PRSS37: variants seen among roughly 807,000 people sequenced by gnomAD.
The protein encoded by PRSS37 is serine protease 37.
In PRSS37, 25 loss-of-function variants were observed where a neutral mutation model predicts 28.0. The observed-to-expected ratio is 0.89, with a 90% CI of 0.65 to 1.25. PRSS37 has a LOEUF of 1.25. Among genes scored for constraint, PRSS37 ranks in the 50% most tolerant of loss-of-function variants. The pLI, the probability that PRSS37 is intolerant of heterozygous loss-of-function variation, is 0.00. For missense variants in PRSS37, 282 were observed against 292.2 expected (o/e 0.97, Z 0.25); for synonymous variants, 109 against 107.8 (o/e 1.01, Z -0.07).
Position 141,839,435 on chromosome 7 carries a change from C to T in PRSS37, c.79G>A (p.Ala27Thr), listed in dbSNP as rs1801086120. ...GACTTGAGGTACACCAAATAGGGAG[C>T]AGGGTCTTCTTTCTGAACAGATGAG... ...ADSSVQKEDPAPYLVYLKSHF... is the reference protein window; with the variant it reads ...ADSSVQKEDPTPYLVYLKSHF... The change falls in exon 2 of 5, where the codon GCT becomes ACT. Residue 27 changes from alanine to threonine, a missense_variant. Coordinates refer to ENST00000350549, the MANE Select transcript of PRSS37 (RefSeq NM_001008270.3). The T allele has an allele frequency of 6.2e-7, 1 of 1,613,714 alleles. No individual in the cohort carries two copies. Among genetic ancestry groups the T allele is most frequent in the Non-Finnish European group, 8.5e-7 (1 of 1,179,714 alleles).
chr7:141,838,473 A>C, intron 2 of PRSS37: 1 of 1,149,536 alleles, frequency 8.7e-7, no homozygotes, highest in Non-Finnish European at 1.1e-6. Context: ...TAAATAACCT[A>C]GTTCTGGGTG....
rs1240259192 is a variant in PRSS37, at chr7:141,836,447, G to A, written c.656C>T (p.Thr219Ile). Reference sequence around the variant, plus strand: ...CCAGGATACATATTTGTAAACATTGGTGTAGATGCCGACGTCCCCTCCCAT... The same window carrying A: ...CCAGGATACATATTTGTAAACATTGATGTAGATGCCGACGTCCCCTCCCAT... The part of the protein sequence containing the change: ...HFMGGDVGIY[T>I]NVYKYVSWIE... Residue 219 changes from threonine to isoleucine, a missense_variant, in exon 5 of 5, where the codon ACC (threonine) becomes ATC (isoleucine). Transcript: ENST00000350549. The A allele has an allele frequency of 1.9e-6, 3 of 1,614,028 alleles. No individual in the cohort carries two copies. The highest frequency in any genetic ancestry group is 1.3e-5 in the African/African-American group (1 of 74,900).
At chr7:141,836,986 C>A in intron 4 of PRSS37, 126 bp downstream of exon 4, 1 of 969,890 alleles carries the variant, frequency 1.0e-6, no homozygotes, top group Non-Finnish European at 1.6e-6. Flanking sequence ...ACAATGCTGG[C>A]TTTGCAGCAG....
chr7:141,837,245 C>T lies in PRSS37; in HGVS notation c.434G>A (p.Arg145Gln), dbSNP rs758971042. Residue 145 changes from arginine to glutamine, a missense_variant, in exon 4 of 5, where the codon CGA becomes CAA. Coordinates refer to ENST00000350549, the MANE Select transcript of PRSS37 (RefSeq NM_001008270.3). ...GLDWSQENSG[R>Q]HPDLRQNLEA... ...CAGGTTCTGCCGCAAGTCAGGGTGT[C>T]GGCCTGAGGGAGACGGGGATAAAAT... is the stretch of plus-strand genomic sequence containing the variant. The T allele has an allele frequency of 1.9e-5, 30 of 1,602,152 alleles. No individual in the cohort carries two copies. The highest frequency in any genetic ancestry group is 1.2e-4 in the South Asian group (11 of 88,638).
chr7:141,838,856 C>G, intron 2 of PRSS37: 1 of 395,074 alleles, frequency 2.5e-6, no homozygotes, highest in South Asian at 1.9e-5. Context: ...TAATACAAAC[C>G]CTGGTGGTAT....
rs1287234730 is a variant in PRSS37, at chr7:141,839,320, G to T, written c.176+18C>A. On this transcript the variant is annotated intron_variant, in intron 2 of 4. Coordinates refer to ENST00000350549, the MANE Select transcript of PRSS37 (RefSeq NM_001008270.3). Reference sequence around the variant, plus strand: ...GAACAGTAGCTGTTTTGGGGATGGGGATGCCCAAATACTCAACGGTAAATA... The same window carrying T: ...GAACAGTAGCTGTTTTGGGGATGGGTATGCCCAAATACTCAACGGTAAATA... The T allele has an allele frequency of 6.2e-7, 1 of 1,612,614 alleles. No homozygotes were observed. Among genetic ancestry groups the T allele is most frequent in the Admixed American group, 1.7e-5 (1 of 59,770 alleles).
In PRSS37 at chr7:141,841,105, C is replaced by T. The variant is rs150494902; in HGVS notation, c.-56G>A. The T allele has an allele frequency of 5.3e-4, 852 of 1,610,574 alleles. 1 individual carries two copies. In the African/African-American group the frequency reaches 9.9e-3, roughly 19 times the overall value. On this transcript the variant is annotated 5_prime_UTR_variant, in exon 1 of 5. Coordinates refer to ENST00000350549, the MANE Select transcript of PRSS37 (RefSeq NM_001008270.3). Reference sequence around the variant, plus strand: ...AGAAGAAAATCAGCAGAGTGTGGAGCGGTTGGCTTAGTTGTCTTCTCAGGA... The same window carrying T: ...AGAAGAAAATCAGCAGAGTGTGGAGTGGTTGGCTTAGTTGTCTTCTCAGGA...
chr7:141,841,399 C>G lies in PRSS37; in HGVS notation c.-350G>C. 2 of 282,542 alleles carry G rather than the reference C, an allele frequency of 7.1e-6. No homozygotes were observed. The highest frequency in any genetic ancestry group is 3.9e-5 in the South Asian group (1 of 25,698). 17.5% of individuals were successfully genotyped at this position (282,542 alleles called of 1,614,324 possible). A position where few individuals can be genotyped will look rare whatever the true frequency, so the allele number is the denominator to read the frequency against. ...GGAAATGGCAGCTCTAGGCTCAGGA[C>G]TTATCTTCCCCACAGAGTTTCTGAG... On this transcript the variant is annotated 5_prime_UTR_variant, in exon 1 of 5. Coordinates refer to ENST00000350549, the MANE Select transcript of PRSS37 (RefSeq NM_001008270.3).
chr7:141,838,797 A>T, intron 2 of PRSS37: 1 of 338,310 alleles, frequency 3.0e-6, no homozygotes, highest in Non-Finnish European at 5.8e-6. Flanking sequence ...CTTTGAAATT[A>T]TCTTCTCCTC....
At position 141,841,033 on chromosome 7, in the gene PRSS37, T is replaced by G. The variant is rs1255123696; in HGVS notation, c.17A>C (p.Tyr6Ser). ...GTACATACCAGCGAGGACACCCAAA[T>G]AGAAGACATATTTCATGGTGATCCA... Reference protein sequence around the residue: MKYVFYLGVLAGTFFF... With the variant: MKYVFSLGVLAGTFFF... Residue 6 changes from tyrosine to serine, a missense_variant, in exon 1 of 5, where the codon TAT becomes TCT. Tyr to Ser is a moderately radical substitution (Grantham distance 144). Transcript: ENST00000350549. 6.2e-7 allele frequency: 1 copy of G among 1,613,766 alleles called. No individual in the cohort carries two copies. The highest frequency in any genetic ancestry group is 1.1e-5 in the South Asian group (1 of 91,082).
chr7:141,837,332 G>A (rs1294192549), intron 3 of PRSS37, 84 bp from the exon 4 acceptor site: 4 of 1,449,190 alleles, frequency 2.8e-6, no homozygotes, highest in Middle Eastern at 3.6e-4. Context: ...ATTTCAACTG[G>A]TATCTTTTTG....
Position 141,836,353 on chromosome 7 carries a change from T to A in PRSS37, c.*42A>T, listed in dbSNP as rs1399802262. 1 of 1,607,542 alleles carries A rather than the reference T, an allele frequency of 6.2e-7. No individual in the cohort carries two copies. The highest frequency in any genetic ancestry group is 8.5e-7 in the Non-Finnish European group (1 of 1,174,900). ...GAGGGAAAATTATCTGCTTGTATAG[T>A]CCATGGCAGAGCCAGTGGAATGCAG... On this transcript the variant is annotated 3_prime_UTR_variant, in exon 5 of 5. Transcript: ENST00000350549.
At chr7:141,840,184 C>T (rs1414411236) in intron 1 of PRSS37, among the ~76,000 whole-genome samples, 2 of 152,122 alleles carry the variant, frequency 1.3e-5, no homozygotes, top group Non-Finnish European at 2.9e-5. Context: ...ATGAATGATG[C>T]TTATTTTTCT....
chr7:141,836,612 C>A, intron 4 of PRSS37, 77 bp from the exon 5 acceptor site: 2 of 1,535,186 alleles, frequency 1.3e-6, no homozygotes, highest in African/African-American at 2.7e-5. Flanking sequence ...CCTAGTGTCC[C>A]GCTTGGGTGA....
Position 141,837,111 on chromosome 7 carries a change from C to G in PRSS37, c.567+1G>C, listed in dbSNP as rs992057567. 1.9e-6 allele frequency: 3 copies of G among 1,612,180 alleles called. No homozygotes were observed. The African/African-American group carries it at 4.0e-5, about 22-fold the overall frequency. ...AAAGCTGAATATAGAGATAAGATTA[C>G]CCCAAAAATTCGGCTGAATACTTTC... On this transcript the variant is annotated splice_donor_variant, in intron 4 of 4. Transcript: ENST00000350549. LOFTEE classifies it high-confidence loss of function.
chr7:141,837,985 A>G lies in PRSS37; in HGVS notation c.305T>C (p.Leu102Pro). ...CATGGCAGGCTTAGCCAGCTTGATG[A>G]GCATGAGGTCATCCTGTGGGGCGCT... ...SHSAPQDDLMLIKLAKPAMLN... is the reference protein window; with the variant it reads ...SHSAPQDDLMPIKLAKPAMLN... Residue 102 changes from leucine (L) to proline (P), a missense_variant, in exon 3 of 5, where the codon CTC (leucine) becomes CCC (proline). Transcript: ENST00000350549. The G allele has an allele frequency of 1.2e-6, 2 of 1,614,104 alleles. No individual in the cohort carries two copies. The highest frequency in any genetic ancestry group is 1.7e-6 in the Non-Finnish European group (2 of 1,180,024).
In PRSS37 at chr7:141,836,459, A is replaced by T; in HGVS notation, c.644T>A (p.Val215Asp). 6.2e-7 allele frequency: 1 copy of T among 1,609,412 alleles called. No individual in the cohort carries two copies. The highest frequency in any genetic ancestry group is 8.5e-7 in the Non-Finnish European group (1 of 1,178,006). Reference sequence around the variant, plus strand: ...TTTGTAAACATTGGTGTAGATGCCGACGTCCCCTCCCATGAAGTGCCCCAC... The same window carrying T: ...TTTGTAAACATTGGTGTAGATGCCGTCGTCCCCTCCCATGAAGTGCCCCAC... Reference protein sequence around the residue: ...IEVGHFMGGDVGIYTNVYKYV... With the variant: ...IEVGHFMGGDDGIYTNVYKYV... Residue 215 changes from valine (V) to aspartate (D), a missense_variant, in exon 5 of 5, where the codon GTC becomes GAC. Transcript: ENST00000350549.
chr7:141,838,275 A>C, intron 2 of PRSS37, 162 bp from the exon 3 acceptor site: 1 of 1,445,642 alleles, frequency 6.9e-7, no homozygotes, highest in Non-Finnish European at 9.1e-7. Context: ...ATCCCCATTT[A>C]GCACATGAAT....
At chr7:141,840,814 C>G (rs914303386) in intron 1 of PRSS37, among the ~76,000 whole-genome samples, 33 of 152,304 alleles carry the variant, frequency 2.2e-4, no homozygotes, top group African/African-American at 7.5e-4. Flanking sequence ...TGTGCCTTAA[C>G]CCACCCTATA....
Sources: allele counts gnomAD v4.1 joint callset (sites outside exome capture counted in the v4.1 genomes callset), GRCh38; gene constraint gnomAD v4.1.1; transcripts MANE v1.5; gene names NCBI Gene and HGNC (gene_info 2026-07-23, HGNC 2026-07-21).